Variants in COMT observed in about 807,000 individuals in gnomAD.
The protein encoded by COMT is catechol O-methyltransferase.
In COMT, 13 loss-of-function variants were observed where a neutral mutation model predicts 18.9. That is an observed-to-expected ratio of 0.69 (90% CI 0.45 to 1.09). COMT has a LOEUF of 1.09. Among genes scored for constraint, COMT ranks in the 50% least tolerant of loss-of-function variants. The pLI is 0.00. For missense variants in COMT, 329 were observed against 361.8 expected, an observed-to-expected ratio of 0.91 and a Z score of 0.73; for synonymous variants, 150 against 160.9, an observed-to-expected ratio of 0.93 and a Z score of 0.51.
At chr22:19,967,311 C>G in intron 5 of COMT, 3 of 911,590 alleles carry the variant, frequency 3.3e-6, no homozygotes, top group Non-Finnish European at 4.8e-6. Context: ...TGGAAGGCAG[C>G]CGCCCTGCTC....
intron 1 of COMT, among the ~76,000 whole-genome samples, chr22:19,956,191 C>CA (rs1942058048): frequency 8.6e-6 from 1 of 116,644 alleles, no homozygotes; most frequent in Non-Finnish European, 1.6e-5. Context: ...GCTGCCCAGG[C>CA]TGGAGTGCAG....
At chr22:19,961,334 G>C (rs1942187580) in intron 2 of COMT, 45 bp downstream of exon 2, 1 of 152,418 alleles carries the variant, frequency 6.6e-6, no homozygotes, top group South Asian at 2.1e-4. Context: ...GGTGGGTACA[G>C]ATTCCGGCCC....
At chr22:19,954,272 C>T (rs1942013515) in intron 1 of COMT, among the ~76,000 whole-genome samples, 2 of 151,152 alleles carry the variant, frequency 1.3e-5, no homozygotes, top group African/African-American at 4.9e-5. Flanking sequence ...ACTGAGGATA[C>T]CAGGCGGGGG....
At position 19,953,419 on chromosome 22, in the gene COMT, G is replaced by A. The variant is rs555713096; in HGVS notation, c.-91-7780G>A. 1.8e-4 allele frequency among the ~76,000 whole-genome samples: 27 copies of A among 151,982 alleles called. No individual in the cohort carries two copies. The East Asian group carries it at 3.3e-3, about 19-fold the overall frequency. The stretch of plus-strand genomic sequence containing the variant: ...AGCGATTCTCCTGCCTCAGCCTCCC[G>A]AGTAGCTGGGACTACAGGCACCCGC... On this transcript the variant is annotated intron_variant, in intron 1 of 5. Coordinates refer to ENST00000361682, the MANE Select transcript of COMT (RefSeq NM_000754.4).
Position 19,964,022 on chromosome 22 carries a change from T to A in COMT, c.484-146T>A. The A allele has an allele frequency of 2.6e-6, 4 of 1,528,910 alleles. No homozygotes were observed. In the South Asian group the frequency reaches 4.6e-5, roughly 17 times the overall value. The allele number at this position is 1,528,910 out of a possible 1,614,324, so 94.7% of individuals were successfully genotyped here. A position where few individuals can be genotyped will look rare whatever the true frequency, so the allele number is the denominator to read the frequency against. ...GTGGGGCCTTGTCATCCCAGAACCC[T>A]AAAGAAAACTGATGAATGCTTGTAT... On this transcript the variant is annotated intron_variant, in intron 4 of 5. Transcript: ENST00000361682.
intron 4 of COMT, 190 bp from the exon 5 acceptor site, chr22:19,963,978 C>G: frequency 1.6e-6 from 2 of 1,256,064 alleles, no homozygotes; most frequent in Non-Finnish European, 2.3e-6. Flanking sequence ...AAGGTGGCAC[C>G]AGGAGGGGCA....
chr22:19,952,977 TAAATAAATAAATAAATAAATAAATA>T (rs1266178279), intron 1 of COMT, among the ~76,000 whole-genome samples: 22 of 109,932 alleles, frequency 2.0e-4, no homozygotes, highest in South Asian at 8.2e-4. Context: ...AATAAATAAA[TAAATAAATAAATAAATAAATAAATA>T]AATAAAATGA....
rs1391980175 is a variant in COMT, at chr22:19,968,703, C to A, written c.783C>A (p.Ile261=). 3.1e-6 allele frequency: 5 copies of A among 1,613,166 alleles called. No homozygotes were observed. The African/African-American group carries it at 4.0e-5, about 13-fold the overall frequency. ...TGGTGGACGGCCTGGAGAAGGCCATCTACAAGGGCCCAGGCAGCGAAGCAG... is the reference window on the plus strand; with the variant it reads ...TGGTGGACGGCCTGGAGAAGGCCATATACAAGGGCCCAGGCAGCGAAGCAG... ...REVVDGLEKA[I]YKGPGSEAGP The change falls in exon 6 of 6, where the codon ATC becomes ATA. Residue 261 remains isoleucine, a synonymous_variant. Transcript: ENST00000361682.
Position 19,967,456 on chromosome 22 carries a change from G to A in COMT, c.616-1080G>A, listed in dbSNP as rs113499749. The A allele has an allele frequency of 7.7e-3, 3,552 of 462,076 alleles. 121 individuals are homozygous for A. The highest frequency in any genetic ancestry group is 0.064 in the African/African-American group (3,142 of 49,460). 28.6% of individuals were successfully genotyped at this position (462,076 alleles called of 1,614,324 possible). A position where few individuals can be genotyped will look rare whatever the true frequency, so the allele number is the denominator to read the frequency against. On this transcript the variant is annotated intron_variant, in intron 5 of 5. Coordinates refer to ENST00000361682, the MANE Select transcript of COMT (RefSeq NM_000754.4). ...ATGGTGGTACTTCCTGCTCAACTCC[G>A]GACCTTGGGGCTGTCCCCTGACCTC...
chr22:19,962,492 C>T (rs1429741501), intron 2 of COMT, 35 bp from the exon 3 acceptor site: 9 of 1,549,052 alleles, frequency 5.8e-6, no homozygotes, highest in South Asian at 4.7e-5. Context: ...AGGAGGAGCA[C>T]AGAGCACTGG....
Position 19,962,740 on chromosome 22 carries a change from G to A in COMT, c.214G>A (p.Ala72Thr), listed in dbSNP as rs6267. Residue 72 changes from alanine to threonine, a missense_variant, in exon 3 of 6, where the codon GCA (alanine) becomes ACA (threonine). Transcript: ENST00000361682. ...HVLQHAEPGN[A>T]QSVLEAIDTY... is the part of the protein sequence containing the mutation. The stretch of plus-strand genomic sequence containing the variant: ...GCTGCAGCATGCGGAGCCCGGGAAC[G>A]CACAGAGCGTGCTGGAGGCCATTGA... 56 of 1,613,570 alleles carry A rather than the reference G, an allele frequency of 3.5e-5. No homozygotes were observed. The South Asian group carries it at 3.8e-4, about 11-fold the overall frequency.
chr22:19,967,236 C>A, intron 5 of COMT: 1 of 1,301,940 alleles, frequency 7.7e-7, no homozygotes, highest in Non-Finnish European at 1.0e-6. Context: ...GCTCCTGAGT[C>A]CCCTGGCGCA....
Position 19,958,575 on chromosome 22 carries a change from T to TAAAA in COMT, c.-91-2607_-91-2604dup, listed in dbSNP as rs361574. ...CCTTGCTAACACTTGTTATTTTCCT[T>TAAAA]AAAAAAAAAAAAAAAAAAAAGCCAG... is the stretch of plus-strand genomic sequence containing the variant. On this transcript the variant is annotated intron_variant, in intron 1 of 5. Coordinates refer to ENST00000361682, the MANE Select transcript of COMT (RefSeq NM_000754.4). Among the ~76,000 whole-genome samples the TAAAA allele has an allele frequency of 9.0e-5, 11 of 121,650 alleles. 1 individual carries two copies. The highest frequency in any genetic ancestry group is 1.7e-4 in the Admixed American group (2 of 11,628). The allele number at this position is 121,650 out of a possible 152,430, so 79.8% of individuals were successfully genotyped here.
intron 5 of COMT, chr22:19,967,488 C>T (rs1942479458): frequency 6.9e-6 from 3 of 435,886 alleles, no homozygotes; most frequent in East Asian, 1.4e-4. Flanking sequence ...CCTCACTGAC[C>T]TTGCAGCCGT....
intron 5 of COMT, 39 bp from the exon 6 acceptor site, chr22:19,968,497 T>A (rs371134244): frequency 1.9e-6 from 3 of 1,598,086 alleles, no homozygotes; most frequent in Non-Finnish European, 2.6e-6. Flanking sequence ...TCTGGGCACC[T>A]CTGACCCTCA....
chr22:19,969,758 A>G lies in COMT; in HGVS notation c.*1022A>G. On this transcript the variant is annotated 3_prime_UTR_variant, in exon 6 of 6. Coordinates refer to ENST00000361682, the MANE Select transcript of COMT (RefSeq NM_000754.4). ...AAGTTTGGGGCCACCCAGGGACCAGAAACAGAGCCTCTGCAGGACACAGCA... is the reference window on the plus strand; with the variant it reads ...AAGTTTGGGGCCACCCAGGGACCAGGAACAGAGCCTCTGCAGGACACAGCA... The G allele has an allele frequency of 1.1e-6, 1 of 895,728 alleles. No individual in the cohort carries two copies. Among genetic ancestry groups the G allele is most frequent in the Non-Finnish European group, 1.3e-6 (1 of 748,314 alleles). The allele number at this position is 895,728 out of a possible 1,614,324, so 55.5% of individuals were successfully genotyped here. A position where few individuals can be genotyped will look rare whatever the true frequency, so the allele number is the denominator to read the frequency against.
rs368314788 is a variant in COMT at position 19,968,753 on chromosome 22, C to T, written c.*17C>T. The stretch of plus-strand genomic sequence containing the variant: ...GGGCCCTGACTGCCCCCCCGGCCCC[C>T]CTCTCGGGCTCTCTCACCCAGCCTG... On this transcript the variant is annotated 3_prime_UTR_variant, in exon 6 of 6. Transcript: ENST00000361682. 1.2e-5 allele frequency: 19 copies of T among 1,604,432 alleles called. No homozygotes were observed. The highest frequency in any genetic ancestry group is 1.6e-5 in the Non-Finnish European group (19 of 1,178,420).
At chr22:19,963,450 C>A in intron 3 of COMT, 116 bp from the exon 4 acceptor site, 1 of 1,239,686 alleles carries the variant, frequency 8.1e-7, no homozygotes, top group South Asian at 1.3e-5. Context: ...GGGCCAGCGG[C>A]CAGGCATTTG....
intron 1 of COMT, 89 bp downstream of exon 1, chr22:19,941,986 G>T: frequency 1.9e-6 from 1 of 525,570 alleles, no homozygotes; most frequent in Non-Finnish European, 3.1e-6. Flanking sequence ...GATAGGGTGT[G>T]GGGAATTCGG....
Sources: gnomAD v4.1 joint callset for allele counts (sites outside exome capture counted in the v4.1 genomes callset) on GRCh38, gnomAD v4.1.1 for gene constraint, MANE v1.5 for transcripts, NCBI Gene and HGNC (gene_info 2026-07-23, HGNC 2026-07-21) for gene names.